Variants in SPECC1 observed in about 807,000 individuals in gnomAD.
SPECC1 encodes cytospin-B.
A neutral mutation model predicts 104.1 loss-of-function variants in SPECC1; 62 were observed. The ratio of observed to expected loss-of-function variants is 0.60; its 90% CI spans 0.49 to 0.74. SPECC1 has a LOEUF of 0.74. SPECC1 is among the 30% of genes least tolerant of loss of function. The probability of loss-of-function intolerance (pLI) is 0.00; values close to 1 mark genes in which losing one functional copy is unlikely to be tolerated. For missense variants in SPECC1, 1,306 were observed against 1,310.5 expected (o/e 1.00, Z 0.05); for synonymous variants, 513 against 501.6 (o/e 1.02, Z -0.30).
rs139323725 is a variant in SPECC1, at chr17:20,288,482, A to C, written c.2941-8479A>C. On this transcript the variant is annotated intron_variant, in intron 12 of 14. Coordinates refer to ENST00000395527, the MANE Select transcript of SPECC1 (RefSeq NM_001243439.2). ...ATGTAGCCAACAAATATATGAAAAA[A>C]ACCTCAACATCACTGATCATTAGAG... Among the ~76,000 whole-genome samples the C allele has an allele frequency of 2.2e-3, 342 of 152,364 alleles. 1 individual carries two copies. Among genetic ancestry groups the C allele is most frequent in the African/African-American group, 6.8e-3 (281 of 41,594 alleles).
chr17:20,290,537 C>T (rs1316079230), intron 12 of SPECC1, among the ~76,000 whole-genome samples: 4 of 151,884 alleles, frequency 2.6e-5, no homozygotes, highest in Non-Finnish European at 5.9e-5. Flanking sequence ...TTTTTTGAGA[C>T]AGGGTTTCAC....
intron 3 of SPECC1, among the ~76,000 whole-genome samples, chr17:20,200,595 C>A (rs952576641): frequency 6.6e-6 from 1 of 152,178 alleles, no homozygotes; most frequent in Admixed American, 6.6e-5. Flanking sequence ...GAAGCATGGC[C>A]AGTCTCAGGA....
chr17:20,178,575 G>A (rs2034639212), intron 3 of SPECC1, among the ~76,000 whole-genome samples: 1 of 152,186 alleles, frequency 6.6e-6, no homozygotes, highest in Non-Finnish European at 1.5e-5. Context: ...CTTTTAAAGA[G>A]TGATTACTCC....
chr17:20,097,099 C>T (rs2047685743), intron 2 of SPECC1, among the ~76,000 whole-genome samples: 2 of 152,152 alleles, frequency 1.3e-5, no homozygotes, highest in Non-Finnish European at 2.9e-5. Flanking sequence ...GGATAGGGGT[C>T]GAGGTCATGC....
At chr17:20,207,568 T>C (rs1421717443) in intron 4 of SPECC1, among the ~76,000 whole-genome samples, 1 of 152,216 alleles carries the variant, frequency 6.6e-6, no homozygotes, top group Non-Finnish European at 1.5e-5. Context: ...CAGTGAGAAA[T>C]AATTTGACAT....
intron 2 of SPECC1, among the ~76,000 whole-genome samples, chr17:20,103,449 C>T (rs1254332295): frequency 6.6e-6 from 1 of 152,192 alleles, no homozygotes; most frequent in East Asian, 1.9e-4. Context: ...GCCATATGCA[C>T]AGCATACAGA....
In SPECC1 at chr17:20,239,008, G is replaced by A; in HGVS notation, c.2351+6603G>A. The A allele has an allele frequency of 2.9e-6, 3 of 1,035,622 alleles. No homozygotes were observed. In the South Asian group the frequency reaches 1.4e-4, roughly 48 times the overall value. 64.2% of individuals were successfully genotyped at this position (1,035,622 alleles called of 1,614,324 possible). A position where few individuals can be genotyped will look rare whatever the true frequency, so the allele number is the denominator to read the frequency against. On this transcript the variant is annotated intron_variant, in intron 7 of 14. Transcript: ENST00000395527. ...ACTTCAAAGTCACATCAAGTAACTA[G>A]AATTTGAGGTAGAAAAAAGCTGGAT...
At chr17:20,169,669 T>G (rs1354115208) in intron 3 of SPECC1, among the ~76,000 whole-genome samples, 1 of 152,130 alleles carries the variant, frequency 6.6e-6, no homozygotes, top group Non-Finnish European at 1.5e-5. Flanking sequence ...TCTTATGGTT[T>G]TAGACATTTT....
chr17:20,215,709 C>T (rs537585062), intron 4 of SPECC1, among the ~76,000 whole-genome samples: 4 of 152,278 alleles, frequency 2.6e-5, no homozygotes, highest in South Asian at 2.1e-4. Flanking sequence ...ATGTTTGAGC[C>T]GCATTTTGTC....
chr17:20,108,287 G>C (rs2048329976), intron 2 of SPECC1, among the ~76,000 whole-genome samples: 1 of 149,482 alleles, frequency 6.7e-6, no homozygotes, highest in Admixed American at 6.7e-5. Context: ...CTAGGACTTT[G>C]CCTAAATTGC....
intron 3 of SPECC1, among the ~76,000 whole-genome samples, chr17:20,157,373 A>T (rs2032686795): frequency 6.6e-6 from 1 of 152,046 alleles, no homozygotes; most frequent in African/African-American, 2.4e-5. Context: ...GGGCCAGCTT[A>T]CTGCCTAGAG....
intron 3 of SPECC1, among the ~76,000 whole-genome samples, chr17:20,177,916 G>C (rs531436768): frequency 2.6e-5 from 4 of 151,794 alleles, no homozygotes; most frequent in Non-Finnish European, 4.4e-5. Flanking sequence ...CACCATGTTG[G>C]CCAGAATGGT....
chr17:20,266,589 A>C (rs1187577314), intron 12 of SPECC1, among the ~76,000 whole-genome samples: 1 of 151,706 alleles, frequency 6.6e-6, no homozygotes, highest in Non-Finnish European at 1.5e-5. Context: ...GTCTCAAAAA[A>C]TATATATATA....
chr17:20,251,598 A>G (rs2039636646), intron 9 of SPECC1, among the ~76,000 whole-genome samples: 1 of 152,226 alleles, frequency 6.6e-6, no homozygotes, highest in Non-Finnish European at 1.5e-5. Flanking sequence ...CTAAGAGAAA[A>G]TAATGTTCTG....
At chr17:20,210,490 G>A (rs1394130763) in intron 4 of SPECC1, among the ~76,000 whole-genome samples, 1 of 152,196 alleles carries the variant, frequency 6.6e-6, no homozygotes, top group East Asian at 1.9e-4. Flanking sequence ...TGGACATCTG[G>A]GTCCTATGGG....
chr17:20,039,912 T>G (rs1462785410), intron 1 of SPECC1, among the ~76,000 whole-genome samples: 1 of 152,216 alleles, frequency 6.6e-6, no homozygotes, highest in Non-Finnish European at 1.5e-5. Flanking sequence ...CTCTGTCTTT[T>G]AATTGATATA....
At chr17:20,231,463 G>T (rs2038574203) in intron 5 of SPECC1, among the ~76,000 whole-genome samples, 1 of 152,212 alleles carries the variant, frequency 6.6e-6, no homozygotes, top group Non-Finnish European at 1.5e-5. Context: ...GGCCATGGAG[G>T]CCTCTTCCCG....
In SPECC1 at chr17:20,239,391, T is replaced by G. The variant is rs185148195; in HGVS notation, c.2352-6535T>G. The G allele has an allele frequency of 6.7e-4, 429 of 638,436 alleles. 1 individual carries two copies. The African/African-American group carries it at 8.1e-3, about 12-fold the overall frequency. The allele number at this position is 638,436 out of a possible 1,614,324, so 39.5% of individuals were successfully genotyped here. A position where few individuals can be genotyped will look rare whatever the true frequency, so the allele number is the denominator to read the frequency against. ...TCATGAATATGTATAGGGTTCATTTTCATATTTTTAATAAAAATTGGATTA... is the reference window on the plus strand; with the variant it reads ...TCATGAATATGTATAGGGTTCATTTGCATATTTTTAATAAAAATTGGATTA... On this transcript the variant is annotated intron_variant, in intron 7 of 14. Transcript: ENST00000395527.
Position 20,297,197 on chromosome 17 carries a change from G to C in SPECC1, c.3057+120G>C, listed in dbSNP as rs79134173. 9,183 of 753,460 alleles carry C rather than the reference G, an allele frequency of 0.012. 509 individuals carry two copies. The African/African-American group carries it at 0.13, about 11-fold the overall frequency. The allele number at this position is 753,460 out of a possible 1,614,324, so 46.7% of individuals were successfully genotyped here. Reference sequence around the variant, plus strand: ...GTAGAAGTTGGGATATTGATACCAGGTACAGATAACTCCTGAATGTTTGAC... The same window carrying C: ...GTAGAAGTTGGGATATTGATACCAGCTACAGATAACTCCTGAATGTTTGAC... On this transcript the variant is annotated intron_variant, in intron 13 of 14. Coordinates refer to ENST00000395527, the MANE Select transcript of SPECC1 (RefSeq NM_001243439.2).
Sources: allele counts gnomAD v4.1 joint callset (sites outside exome capture counted in the v4.1 genomes callset), GRCh38; gene constraint gnomAD v4.1.1; transcripts MANE v1.5; gene names NCBI Gene and HGNC (gene_info 2026-07-23, HGNC 2026-07-21).